Variants in RTN1 observed in about 807,000 individuals in gnomAD.
RTN1 encodes reticulon-1.
RTN1 carries 25 observed loss-of-function variants against 65.5 expected under a neutral mutation model. The observed-to-expected ratio is 0.38, with a 90% CI of 0.28 to 0.53. The LOEUF (loss-of-function observed/expected upper bound fraction) is 0.53, where lower values mean the gene tolerates loss of function less well. Ranked by LOEUF, RTN1 falls within the 20% of genes least tolerant of loss-of-function variation. The probability of loss-of-function intolerance (pLI) is 0.79; values close to 1 mark genes in which losing one functional copy is unlikely to be tolerated. For missense variants in RTN1, 983 were observed against 1,025.4 expected (o/e 0.96, Z 0.57); for synonymous variants, 471 against 447.6 (o/e 1.05, Z -0.66).
chr14:59,784,443 G>GAA lies in RTN1; in HGVS notation c.242-37964_242-37963dup, dbSNP rs200051471. 6.6e-3 allele frequency among the ~76,000 whole-genome samples: 838 copies of GAA among 126,960 alleles called. 3 individuals carry two copies. Among genetic ancestry groups the GAA allele is most frequent in the African/African-American group, 0.021 (782 of 36,398 alleles). 83.3% of individuals were successfully genotyped at this position (126,960 alleles called of 152,430 possible). ...GCAACAAGAGCGAAACTCCGTCTCA[G>GAA]AAAAAAAAAAAAAAAAATTGTCCTA... is the stretch of plus-strand genomic sequence containing the variant. On this transcript the variant is annotated intron_variant, in intron 1 of 8. Coordinates refer to ENST00000267484, the MANE Select transcript of RTN1 (RefSeq NM_021136.3).
intron 1 of RTN1, among the ~76,000 whole-genome samples, chr14:59,813,870 G>C (rs74061321): frequency 6.6e-6 from 1 of 152,098 alleles, no homozygotes; most frequent in Non-Finnish European, 1.5e-5. Context: ...TAAATATGAT[G>C]TGTTCAATTT....
chr14:59,806,360 A>G (rs1173429888), intron 1 of RTN1, among the ~76,000 whole-genome samples: 1 of 152,044 alleles, frequency 6.6e-6, no homozygotes, highest in East Asian at 1.9e-4. Context: ...TGTGATGTGC[A>G]GAAATATCAC....
At chr14:59,645,191 C>A (rs1411465140) in intron 3 of RTN1, among the ~76,000 whole-genome samples, 2 of 150,468 alleles carry the variant, frequency 1.3e-5, no homozygotes, top group Non-Finnish European at 3.0e-5. Flanking sequence ...TTCAAGCTGG[C>A]AACAGATCCA....
chr14:59,715,183 G>C lies in RTN1; in HGVS notation c.1765+11736C>G, dbSNP rs377148642. Among the ~76,000 whole-genome samples, 61 of 152,316 alleles carry C rather than the reference G, an allele frequency of 4.0e-4. 2 individuals carry two copies. Among genetic ancestry groups the C allele is most frequent in the Admixed American group, 1.6e-3 (25 of 15,300 alleles). On this transcript the variant is annotated intron_variant, in intron 3 of 8. Coordinates refer to ENST00000267484, the MANE Select transcript of RTN1 (RefSeq NM_021136.3). Reference sequence around the variant, plus strand: ...AGAGACAAAACTTAATAGTTCAGGTGAATGACCTTATGTCTCATCCCAGAG... The same window carrying C: ...AGAGACAAAACTTAATAGTTCAGGTCAATGACCTTATGTCTCATCCCAGAG...
At chr14:59,739,969 C>T (rs1213400041) in intron 2 of RTN1, among the ~76,000 whole-genome samples, 4 of 152,232 alleles carry the variant, frequency 2.6e-5, no homozygotes, top group African/African-American at 7.2e-5. Flanking sequence ...GGCAGAGCAG[C>T]TCACCCTTGT....
intron 2 of RTN1, among the ~76,000 whole-genome samples, chr14:59,735,353 C>T (rs550623165): frequency 2.0e-5 from 3 of 152,278 alleles, no homozygotes; most frequent in South Asian, 2.1e-4. Context: ...GACCAGCTAG[C>T]GTCGTGATGA....
In RTN1 at chr14:59,850,457, G is replaced by A. The variant is rs182070861; in HGVS notation, c.241+19933C>T. Among the ~76,000 whole-genome samples, 87 of 152,320 alleles carry A rather than the reference G, an allele frequency of 5.7e-4. No homozygotes were observed. The Middle Eastern group carries it at 0.024, about 42-fold the overall frequency. The stretch of plus-strand genomic sequence containing the variant: ...TGGTTGTATGGGTACACAAAGTACA[G>A]GTTCTACTGAATGCATATTGCTTTT... On this transcript the variant is annotated intron_variant, in intron 1 of 8. Transcript: ENST00000267484.
chr14:59,749,154 C>CTATCTATATATATCTA (rs1566710927), intron 1 of RTN1, among the ~76,000 whole-genome samples: 2 of 59,240 alleles, frequency 3.4e-5, no homozygotes, highest in African/African-American at 2.2e-4. Flanking sequence ...ATCTATCTAT[C>CTATCTATATATATCTA]TATATCTATC....
rs143066797 is a variant in RTN1, at chr14:59,781,313, G to A, written c.242-34832C>T. Among the ~76,000 whole-genome samples the A allele has an allele frequency of 5.5e-4, 84 of 152,044 alleles. No homozygotes were observed. The East Asian group carries it at 0.01, about 19-fold the overall frequency. On this transcript the variant is annotated intron_variant, in intron 1 of 8. Coordinates refer to ENST00000267484, the MANE Select transcript of RTN1 (RefSeq NM_021136.3). The stretch of plus-strand genomic sequence containing the variant: ...TAACTTTATTGTAGAATTTAATACT[G>A]TTATAGAAACAAAAATCTCCAAAGT...
chr14:59,702,927 T>G (rs1741771924), intron 3 of RTN1, among the ~76,000 whole-genome samples: 1 of 152,202 alleles, frequency 6.6e-6, no homozygotes, highest in Non-Finnish European at 1.5e-5. Context: ...TGCGGTTCTG[T>G]GAACACATCA....
intron 1 of RTN1, among the ~76,000 whole-genome samples, chr14:59,789,606 C>T (rs1163952590): frequency 6.6e-6 from 1 of 152,114 alleles, no homozygotes; most frequent in East Asian, 1.9e-4. Context: ...TGAAAATATT[C>T]TGTCCTCCTT....
In RTN1 at chr14:59,849,900, T is replaced by G. The variant is rs1168431162; in HGVS notation, c.241+20490A>C. 6.6e-6 allele frequency among the ~76,000 whole-genome samples: 1 copy of G among 152,180 alleles called. No homozygotes were observed. Among genetic ancestry groups the G allele is most frequent in the Admixed American group, 6.5e-5 (1 of 15,280 alleles). On this transcript the variant is annotated intron_variant, in intron 1 of 8. Coordinates refer to ENST00000267484, the MANE Select transcript of RTN1 (RefSeq NM_021136.3). The surrounding 1 kb of genome is among the most constrained non-coding windows in gnomAD (Gnocchi z 4.5). The stretch of plus-strand genomic sequence containing the variant: ...TTTGCTTCCTCAAAGGGCTTCCCCC[T>G]CTCTGTGTACTTCTCTGTTAACTCT...
At chr14:59,729,301 A>G (rs1197079618) in intron 2 of RTN1, among the ~76,000 whole-genome samples, 1 of 152,158 alleles carries the variant, frequency 6.6e-6, no homozygotes, top group Non-Finnish European at 1.5e-5. Context: ...ATCATGTAGG[A>G]TCTCATGGGG....
chr14:59,755,382 A>C (rs1253676502), intron 1 of RTN1, among the ~76,000 whole-genome samples: 1 of 152,202 alleles, frequency 6.6e-6, no homozygotes, highest in African/African-American at 2.4e-5. Flanking sequence ...GGGCATAATA[A>C]AAAACTGTAA....
intron 3 of RTN1, among the ~76,000 whole-genome samples, chr14:59,678,775 C>T (rs1883682270): frequency 6.6e-6 from 1 of 152,168 alleles, no homozygotes; most frequent in Non-Finnish European, 1.5e-5. Flanking sequence ...CTTCAGGTTT[C>T]TCAAAGCGTG....
At chr14:59,711,347 C>A (rs1227775283) in intron 3 of RTN1, among the ~76,000 whole-genome samples, 1 of 152,202 alleles carries the variant, frequency 6.6e-6, no homozygotes, top group East Asian at 1.9e-4. Context: ...TCTCTGCTGA[C>A]TACATTTGCC....
At chr14:59,850,872 GTTTT>G (rs1887492966) in intron 1 of RTN1, among the ~76,000 whole-genome samples, 1 of 152,106 alleles carries the variant, frequency 6.6e-6, no homozygotes, top group African/African-American at 2.4e-5. Context: ...TCATGGGTAG[GTTTT>G]TTTCTCTTGC....
chr14:59,740,362 A>G (rs907692601), intron 2 of RTN1, among the ~76,000 whole-genome samples: 1 of 152,212 alleles, frequency 6.6e-6, no homozygotes, highest in African/African-American at 2.4e-5. Context: ...TGTGATTCTA[A>G]CAGTCACCTC....
intron 2 of RTN1, among the ~76,000 whole-genome samples, chr14:59,742,882 T>C (rs370414651): frequency 9.9e-5 from 15 of 152,074 alleles, no homozygotes; most frequent in African/African-American, 3.6e-4. Context: ...CATAAGAAGA[T>C]GGGAAGGGGG....
Sources: gnomAD v4.1 joint callset for allele counts (sites outside exome capture counted in the v4.1 genomes callset) on GRCh38, gnomAD v4.1.1 for gene constraint, Gnocchi (gnomAD v3.1) non-coding constraint, MANE v1.5 for transcripts, NCBI Gene and HGNC (gene_info 2026-07-23, HGNC 2026-07-21) for gene names.